Variants in ALX1 observed in about 807,000 individuals in gnomAD.
ALX1 encodes the protein ALX homeobox 1.
Under a neutral mutation model 31.7 loss-of-function variants are expected in ALX1, and 19 were observed. The observed-to-expected ratio is 0.60, with a 90% CI of 0.42 to 0.88. The LOEUF (loss-of-function observed/expected upper bound fraction) is 0.88, where lower values mean the gene tolerates loss of function less well. ALX1 is among the 40% of genes least tolerant of loss of function. The pLI is 0.00. For missense variants in ALX1, 415 were observed against 407.8 expected, an observed-to-expected ratio of 1.02 and a Z score of -0.15; for synonymous variants, 153 against 148.8, an observed-to-expected ratio of 1.03 and a Z score of -0.20.
At chr12:85,297,460 G>A (rs1186288088) in intron 3 of ALX1, among the ~76,000 whole-genome samples, 1 of 151,752 alleles carries the variant, frequency 6.6e-6, no homozygotes, top group Non-Finnish European at 1.5e-5. Flanking sequence ...ATTTTTACAT[G>A]TAAGAAAGAT....
Position 85,295,592 on chromosome 12 carries a change from A to G in ALX1, c.661-5563A>G, listed in dbSNP as rs142322971. 3.0e-3 allele frequency among the ~76,000 whole-genome samples: 456 copies of G among 151,718 alleles called. 2 individuals carry two copies. The highest frequency in any genetic ancestry group is 0.01 in the Middle Eastern group (3 of 294). On this transcript the variant is annotated intron_variant, in intron 3 of 3. Coordinates refer to ENST00000316824, the MANE Select transcript of ALX1 (RefSeq NM_006982.3). ...TTTTTAGATTTTCATGTAAAGAGGT[A>G]TTGCTATAACATCATCACAAGTAAC...
rs2137372382 is a variant in ALX1 at position 85,280,251 on chromosome 12, C to A, written c.-11C>A. On this transcript the variant is annotated 5_prime_UTR_variant, in exon 1 of 4. Transcript: ENST00000316824. Reference sequence around the variant, plus strand: ...TGTGCCCCAGGAGCTACGCGACAGTCTTCCAGGATTATGGAGTTTCTGAGC... The same window carrying A: ...TGTGCCCCAGGAGCTACGCGACAGTATTCCAGGATTATGGAGTTTCTGAGC... 2 of 1,610,966 alleles carry A rather than the reference C, an allele frequency of 1.2e-6. No individual in the cohort carries two copies. Among genetic ancestry groups the A allele is most frequent in the East Asian group, 2.2e-5 (1 of 44,740 alleles).
At chr12:85,282,245 T>TA (rs1896684527) in intron 1 of ALX1, among the ~76,000 whole-genome samples, 4 of 151,296 alleles carry the variant, frequency 2.6e-5, no homozygotes, top group African/African-American at 4.9e-5. Flanking sequence ...AAAAAATTTG[T>TA]TATATATATA....
chr12:85,291,181 A>C (rs1347528044), intron 3 of ALX1, among the ~76,000 whole-genome samples: 1 of 151,220 alleles, frequency 6.6e-6, no homozygotes, highest in African/African-American at 2.4e-5. Flanking sequence ...AATAGGCTAG[A>C]AAGATTTTGC....
intron 3 of ALX1, among the ~76,000 whole-genome samples, chr12:85,300,548 A>G (rs571831428): frequency 6.6e-6 from 1 of 152,214 alleles, no homozygotes; most frequent in African/African-American, 2.4e-5. Context: ...ATAAATTTTT[A>G]AAATATGTAT....
chr12:85,282,887 A>C (rs906028685), intron 1 of ALX1, among the ~76,000 whole-genome samples: 1 of 144,080 alleles, frequency 6.9e-6, no homozygotes, highest in Admixed American at 6.6e-5. Flanking sequence ...GAACTGCGTA[A>C]GTTTTTAGGT....
intron 3 of ALX1, among the ~76,000 whole-genome samples, chr12:85,292,035 A>G (rs1896825094): frequency 6.6e-6 from 1 of 151,134 alleles, no homozygotes; most frequent in South Asian, 2.1e-4. Flanking sequence ...TGTTTATGCA[A>G]ATTACTTAGG....
chr12:85,288,546 C>A (rs988241584), intron 3 of ALX1, among the ~76,000 whole-genome samples: 10 of 151,446 alleles, frequency 6.6e-5, no homozygotes, highest in African/African-American at 2.4e-4. Flanking sequence ...CCCCTCTAGG[C>A]TGCAAGCTCC....
intron 1 of ALX1, among the ~76,000 whole-genome samples, chr12:85,281,556 T>C (rs547478116): frequency 1.1e-4 from 16 of 152,314 alleles, no homozygotes; most frequent in Admixed American, 3.9e-4. Context: ...CTGTAGAAGC[T>C]CATTTTCTAA....
At position 85,287,467 on chromosome 12, in the gene ALX1, A is replaced by G. The variant is rs549723589; in HGVS notation, c.660+486A>G. On this transcript the variant is annotated intron_variant, in intron 3 of 3. Transcript: ENST00000316824. ...TCTTTTTCTATGTTTTTTTTTTTTC[A>G]GTTTTCAAATTGCTTATTCTCTAAA... Among the ~76,000 whole-genome samples, 7 of 146,486 alleles carry G rather than the reference A, an allele frequency of 4.8e-5. No homozygotes were observed. In the East Asian group the frequency reaches 1.4e-3, roughly 29 times the overall value.
At chr12:85,293,837 A>G (rs574970883) in intron 3 of ALX1, among the ~76,000 whole-genome samples, 13 of 151,228 alleles carry the variant, frequency 8.6e-5, no homozygotes, top group Non-Finnish European at 1.8e-4. Context: ...TAAAATCTGC[A>G]GTTCACCCTA....
chr12:85,281,236 A>G (rs1461396328), intron 1 of ALX1, among the ~76,000 whole-genome samples: 2 of 152,202 alleles, frequency 1.3e-5, no homozygotes, highest in East Asian at 3.9e-4. Flanking sequence ...TCACCTAAGG[A>G]GTCTTTGGAA....
chr12:85,300,916 C>T (rs1896956116), intron 3 of ALX1, among the ~76,000 whole-genome samples: 1 of 152,034 alleles, frequency 6.6e-6, no homozygotes, highest in Non-Finnish European at 1.5e-5. Context: ...AGGAGATAGA[C>T]ATGTTTGAGA....
At chr12:85,293,589 T>C (rs558529248) in intron 3 of ALX1, among the ~76,000 whole-genome samples, 1 of 150,688 alleles carries the variant, frequency 6.6e-6, no homozygotes, top group Non-Finnish European at 1.5e-5. Context: ...AATATTCTAA[T>C]GTGACTGTAC....
At chr12:85,284,960 G>A (rs949966738) in intron 2 of ALX1, among the ~76,000 whole-genome samples, 4 of 152,056 alleles carry the variant, frequency 2.6e-5, no homozygotes, top group South Asian at 4.1e-4. Flanking sequence ...GGTGGCACAC[G>A]GATAACAAGC....
At chr12:85,292,334 A>G (rs1218646791) in intron 3 of ALX1, among the ~76,000 whole-genome samples, 1 of 151,166 alleles carries the variant, frequency 6.6e-6, no homozygotes, top group Non-Finnish European at 1.5e-5. Flanking sequence ...ATTTTCTTGT[A>G]AATATTTTCA....
In ALX1 at chr12:85,286,795, C is replaced by T. The variant is rs1259926842; in HGVS notation, c.532-58C>T. ...TTTCTTGTTTGATGTCTTTTAACATCACATTTGCTTTATCAAATATTCCTT... is the reference window on the plus strand; with the variant it reads ...TTTCTTGTTTGATGTCTTTTAACATTACATTTGCTTTATCAAATATTCCTT... On this transcript the variant is annotated intron_variant, in intron 2 of 3. Transcript: ENST00000316824. 1.4e-5 allele frequency: 20 copies of T among 1,425,800 alleles called. No individual in the cohort carries two copies. The East Asian group carries it at 4.5e-4, about 32-fold the overall frequency. The allele number at this position is 1,425,800 out of a possible 1,614,324, so 88.3% of individuals were successfully genotyped here.
At chr12:85,298,974 T>G (rs373870361) in intron 3 of ALX1, among the ~76,000 whole-genome samples, 1 of 151,758 alleles carries the variant, frequency 6.6e-6, no homozygotes, top group South Asian at 2.1e-4. Context: ...TGCCTTTACC[T>G]TTCTGATTTT....
intron 2 of ALX1, 54 bp downstream of exon 2, chr12:85,283,930 G>C: frequency 6.3e-7 from 1 of 1,575,900 alleles, no homozygotes; most frequent in Non-Finnish European, 8.7e-7. Context: ...AATGGTGTTA[G>C]AATAATTGAA....
Sources: allele counts gnomAD v4.1 joint callset (sites outside exome capture counted in the v4.1 genomes callset), GRCh38; gene constraint gnomAD v4.1.1; transcripts MANE v1.5; gene names NCBI Gene and HGNC (gene_info 2026-07-23, HGNC 2026-07-21).